The following ZNF680 variants were observed in gnomAD, a reference collection of about 807,000 sequenced individuals.
ZNF680 encodes the protein zinc finger protein 680.
A neutral mutation model predicts 12.1 loss-of-function variants in ZNF680; 6 were observed. That is an observed-to-expected ratio of 0.49 (90% CI 0.27 to 0.98). The LOEUF (loss-of-function observed/expected upper bound fraction) is 0.98. Ranked by LOEUF, ZNF680 falls within the 50% of genes least tolerant of loss-of-function variation. The pLI, the probability that ZNF680 is intolerant of heterozygous loss-of-function variation, is 0.12. For synonymous variants in ZNF680, 170 were observed against 199.3 expected, an observed-to-expected ratio of 0.85 and a Z score of 1.24; for missense variants, 561 against 616.3, an observed-to-expected ratio of 0.91 and a Z score of 0.95.
At chr7:64,503,556 T>G in the ZNF680 span, among the ~76,000 whole-genome samples, 9 of 152,062 alleles carry the variant, frequency 5.9e-5, no homozygotes, top group Non-Finnish European at 1.3e-4. Flanking sequence ...AATTTTTGTA[T>G]TTTTAGGAGA....
intron 1 of ZNF680, among the ~76,000 whole-genome samples, chr7:64,549,415 C>G (rs969517046): frequency 2.0e-5 from 3 of 152,258 alleles, no homozygotes; most frequent in Non-Finnish European, 4.4e-5. Flanking sequence ...GCTCAAGAAG[C>G]CATACTCTCA....
intron 3 of ZNF680, among the ~76,000 whole-genome samples, chr7:64,527,048 G>A (rs1343495724): frequency 3.9e-5 from 6 of 152,072 alleles, no homozygotes; most frequent in Admixed American, 6.5e-5. Context: ...GGCCATCCTG[G>A]CCAACATGGC....
chr7:64,514,711 TAAA>T, the ZNF680 span, among the ~76,000 whole-genome samples: 2 of 152,122 alleles, frequency 1.3e-5, no homozygotes, highest in African/African-American at 4.8e-5. Flanking sequence ...ACTAAACTAA[TAAA>T]AAACAAAAGC....
At chr7:64,557,972 A>G (rs1329922933) in intron 1 of ZNF680, among the ~76,000 whole-genome samples, 3 of 152,240 alleles carry the variant, frequency 2.0e-5, no homozygotes, top group Admixed American at 6.5e-5. Flanking sequence ...TTTTGCTTAT[A>G]TAACAACTCG....
chr7:64,549,127 GAAA>G (rs1156794322), intron 1 of ZNF680, among the ~76,000 whole-genome samples: 1 of 94,228 alleles, frequency 1.1e-5, no homozygotes, highest in African/African-American at 4.0e-5. Flanking sequence ...CTCAAAAAAA[GAAA>G]AAAAAAAAAA....
At chr7:64,536,855 C>G (rs6977201) in intron 3 of ZNF680, among the ~76,000 whole-genome samples, 34,278 of 151,970 alleles carry the variant, frequency 0.23, 4,055 homozygotes, top group South Asian at 0.28. Context: ...TATCATTTGG[C>G]ACAAGAAGTT....
chr7:64,531,697 G>C (rs534429950), intron 3 of ZNF680, among the ~76,000 whole-genome samples: 1 of 151,652 alleles, frequency 6.6e-6, no homozygotes, highest in Non-Finnish European at 1.5e-5. Context: ...TGATCATTGG[G>C]TCAAAAATGA....
chr7:64,530,406 C>T (rs1332545175), intron 3 of ZNF680, among the ~76,000 whole-genome samples: 1 of 152,102 alleles, frequency 6.6e-6, no homozygotes, highest in African/African-American at 2.4e-5. Context: ...CCATCTGATG[C>T]CTTCAAGAGA....
chr7:64,546,000 A>T (rs1786766467), intron 1 of ZNF680, among the ~76,000 whole-genome samples: 2 of 152,242 alleles, frequency 1.3e-5, no homozygotes, highest in Non-Finnish European at 2.9e-5. Context: ...AGAAGCCATG[A>T]TGCAGAGAAT....
At chr7:64,512,596 A>G in the ZNF680 span, among the ~76,000 whole-genome samples, 1 of 152,074 alleles carries the variant, frequency 6.6e-6, no homozygotes, top group Non-Finnish European at 1.5e-5. Context: ...AAACAAGAAC[A>G]CCACAAATCT....
intron 1 of ZNF680, chr7:64,561,141 T>C (rs1234882758): frequency 3.9e-5 from 6 of 153,326 alleles, no homozygotes. Context: ...AAACGGAAGC[T>C]GAGTTGGGTG....
chr7:64,532,075 G>C (rs915084584), intron 3 of ZNF680, among the ~76,000 whole-genome samples: 1 of 152,162 alleles, frequency 6.6e-6, no homozygotes, highest in Non-Finnish European at 1.5e-5. Flanking sequence ...GGAGGCCCAG[G>C]GGGGCAGATT....
At chr7:64,561,430 A>C (rs983501126) in intron 1 of ZNF680, among the ~76,000 whole-genome samples, 1 of 152,158 alleles carries the variant, frequency 6.6e-6, no homozygotes, top group Non-Finnish European at 1.5e-5. Context: ...AAAGTTTCCA[A>C]AGGGAAACTG....
At chr7:64,542,496 AAATT>A (rs1786558373) in intron 3 of ZNF680, among the ~76,000 whole-genome samples, 1 of 152,214 alleles carries the variant, frequency 6.6e-6, no homozygotes, top group African/African-American at 2.4e-5. Context: ...AAACCTGTTT[AAATT>A]AATAAATACA....
At chr7:64,544,167 G>A in intron 2 of ZNF680, 139 bp downstream of exon 2, 1 of 1,311,906 alleles carries the variant, frequency 7.6e-7, no homozygotes, top group Non-Finnish European at 1.0e-6. Context: ...TTTTCTACAT[G>A]GACAAAGCTC....
At chr7:64,501,714 CA>C in the ZNF680 span, 9 of 1,032,448 alleles carry the variant, frequency 8.7e-6, no homozygotes, top group Non-Finnish European at 7.6e-6. Flanking sequence ...GCGCCAATGG[CA>C]AAAATGACTC....
chr7:64,523,007 A>G (rs1791627702), intron 3 of ZNF680, among the ~76,000 whole-genome samples: 1 of 152,114 alleles, frequency 6.6e-6, no homozygotes, highest in Non-Finnish European at 1.5e-5. Context: ...CCCTACATAT[A>G]AAAGATGCTG....
chr7:64,513,449 A>T, the ZNF680 span, among the ~76,000 whole-genome samples: 1 of 152,140 alleles, frequency 6.6e-6, no homozygotes, highest in Non-Finnish European at 1.5e-5. Flanking sequence ...TTAAGCATTA[A>T]AATACAAACA....
chr7:64,521,241 G>A lies in ZNF680; in HGVS notation c.1513C>T (p.Leu505Phe), dbSNP rs1271200220. 7 of 1,613,546 alleles carry A rather than the reference G, an allele frequency of 4.3e-6. No homozygotes were observed. Among genetic ancestry groups the A allele is most frequent in the South Asian group, 3.3e-5 (3 of 91,052 alleles). ...CGKAFNRSSH[L>F]TRHKKIHTGE... ...GTATGAATTTTCTTATGTCTAGTAA[G>A]GTGTGAGGACCGGTTAAAAGCTTTG... is the stretch of plus-strand genomic sequence containing the variant. Residue 505 changes from leucine (L) to phenylalanine (F), a missense_variant, in exon 4 of 4, where the codon CTT becomes TTT. Transcript: ENST00000309683.
Sources: gnomAD v4.1 joint callset for allele counts (sites outside exome capture counted in the v4.1 genomes callset) on GRCh38, gnomAD v4.1.1 for gene constraint, MANE v1.5 for transcripts, NCBI Gene and HGNC (gene_info 2026-07-23, HGNC 2026-07-21) for gene names.